Variants in LSAMP observed in about 807,000 individuals in gnomAD.
LSAMP encodes limbic system-associated membrane protein.
In LSAMP, 7 loss-of-function variants were observed where a neutral mutation model predicts 38.6. That is an observed-to-expected ratio of 0.18 (90% CI 0.10 to 0.34). LSAMP has a LOEUF of 0.34. Ranked by LOEUF, LSAMP falls within the 10% of genes least tolerant of loss-of-function variation. LSAMP has a pLI of 1.00. For synonymous variants in LSAMP, 154 were observed against 166.8 expected (o/e 0.92, Z 0.59); for missense variants, 313 against 420.0 (o/e 0.75, Z 2.23).
intron 3 of LSAMP, among the ~76,000 whole-genome samples, chr3:116,013,660 G>A (rs1483266304): frequency 6.6e-6 from 1 of 152,048 alleles, no homozygotes; most frequent in Non-Finnish European, 1.5e-5. Context: ...GTAAGGCACT[G>A]AAAATAAAAT....
chr3:116,355,527 G>C (rs1176601678), intron 1 of LSAMP, among the ~76,000 whole-genome samples: 4 of 152,092 alleles, frequency 2.6e-5, no homozygotes, highest in Non-Finnish European at 5.9e-5. Context: ...ATTGGCTTGG[G>C]CAAAAATTTC....
At chr3:116,174,979 CT>C (rs1710302215) in intron 1 of LSAMP, among the ~76,000 whole-genome samples, 1 of 152,060 alleles carries the variant, frequency 6.6e-6, no homozygotes, top group Admixed American at 6.6e-5. Flanking sequence ...GACTTCTCCA[CT>C]ATCCACCTTC....
chr3:116,095,287 C>T (rs1708202226), intron 1 of LSAMP, among the ~76,000 whole-genome samples: 1 of 152,202 alleles, frequency 6.6e-6, no homozygotes, highest in Admixed American at 6.5e-5. Flanking sequence ...AAAACCCAGA[C>T]AAGCTGCGCA....
At chr3:115,995,164 G>A (rs528616687) in intron 3 of LSAMP, among the ~76,000 whole-genome samples, 1 of 152,190 alleles carries the variant, frequency 6.6e-6, no homozygotes, top group South Asian at 2.1e-4. Flanking sequence ...AACAAGGAAA[G>A]AAGCCTGTCC....
rs533781878 is a variant in LSAMP at position 115,940,458 on chromosome 3, G to A, written c.514+79057C>T. Among the ~76,000 whole-genome samples the A allele has an allele frequency of 1.2e-4, 18 of 149,860 alleles. No homozygotes were observed. The East Asian group carries it at 1.6e-3, about 13-fold the overall frequency. On this transcript the variant is annotated intron_variant, in intron 3 of 6. Coordinates refer to ENST00000490035, the MANE Select transcript of LSAMP (RefSeq NM_002338.5). ...CTAGACACAGAGCGCTGATTGGTGC[G>A]TTTACAATCCTTTAGCTAGACACAA... is the stretch of plus-strand genomic sequence containing the variant.
chr3:116,098,455 C>T lies in LSAMP; in HGVS notation c.156-11899G>A, dbSNP rs371400618. Among the ~76,000 whole-genome samples the T allele has an allele frequency of 3.3e-5, 5 of 152,220 alleles. No individual in the cohort carries two copies. The South Asian group carries it at 6.2e-4, about 19-fold the overall frequency. On this transcript the variant is annotated intron_variant, in intron 1 of 6. Transcript: ENST00000490035. ...CTGTGGTTGCAGTAAGCCAAGATTG[C>T]GCCATTGCAGCCTTGGCAACAAGAG...
intron 3 of LSAMP, among the ~76,000 whole-genome samples, chr3:115,878,817 C>A (rs1274644020): frequency 6.6e-6 from 1 of 151,958 alleles, no homozygotes; most frequent in Non-Finnish European, 1.5e-5. Context: ...AATGGTGGCC[C>A]ATGTCACCAA....
chr3:116,051,393 C>A (rs1941393916), intron 2 of LSAMP: 1 of 152,210 alleles, frequency 6.6e-6, no homozygotes, highest in African/African-American at 2.4e-5. Context: ...AAAGCTGCTT[C>A]TTGCAGCACA....
chr3:116,063,475 T>C (rs537090493), intron 2 of LSAMP, among the ~76,000 whole-genome samples: 1 of 152,252 alleles, frequency 6.6e-6, no homozygotes, highest in Non-Finnish European at 1.5e-5. Flanking sequence ...ATAAACAGAA[T>C]AGCTGTATAT....
At chr3:116,175,501 C>T (rs1049214773) in intron 1 of LSAMP, among the ~76,000 whole-genome samples, 1 of 151,826 alleles carries the variant, frequency 6.6e-6, no homozygotes, top group African/African-American at 2.4e-5. Context: ...CTAGTTGTAT[C>T]CTGCTTTGAT....
At chr3:116,297,766 AAAAAT>A (rs1419298217) in intron 1 of LSAMP, among the ~76,000 whole-genome samples, 1 of 152,246 alleles carries the variant, frequency 6.6e-6, no homozygotes, top group Non-Finnish European at 1.5e-5. Context: ...TGTATGTAAT[AAAAAT>A]AAAATAGGTG....
chr3:116,281,611 A>AGAT (rs2047126988), intron 1 of LSAMP, among the ~76,000 whole-genome samples: 1 of 152,228 alleles, frequency 6.6e-6, no homozygotes, highest in South Asian at 2.1e-4. Flanking sequence ...GTAATATAGA[A>AGAT]GATACACAAA....
At chr3:116,254,721 G>T (rs2046728569) in intron 1 of LSAMP, among the ~76,000 whole-genome samples, 1 of 152,090 alleles carries the variant, frequency 6.6e-6, no homozygotes, top group Non-Finnish European at 1.5e-5. Flanking sequence ...TTAGTGATTT[G>T]ACTTTTCAGT....
chr3:116,352,221 C>G (rs2048150608), intron 1 of LSAMP, among the ~76,000 whole-genome samples: 1 of 152,068 alleles, frequency 6.6e-6, no homozygotes, highest in Non-Finnish European at 1.5e-5. Context: ...ACACATCACT[C>G]CACGAATACC....
chr3:116,376,860 A>G (rs903555891), intron 1 of LSAMP, among the ~76,000 whole-genome samples: 1 of 152,064 alleles, frequency 6.6e-6, no homozygotes, highest in Non-Finnish European at 1.5e-5. Flanking sequence ...CTCCACAGAT[A>G]TTAAATAAAT....
At chr3:115,876,229 C>A (rs1186951223) in intron 3 of LSAMP, among the ~76,000 whole-genome samples, 2 of 144,284 alleles carry the variant, frequency 1.4e-5, no homozygotes, top group Non-Finnish European at 3.0e-5. Flanking sequence ...TCCTCATTCA[C>A]TTTTGCTAAA....
At chr3:116,316,709 T>C (rs1227499381) in intron 1 of LSAMP, among the ~76,000 whole-genome samples, 1 of 143,834 alleles carries the variant, frequency 7.0e-6, no homozygotes, top group Non-Finnish European at 1.5e-5. Flanking sequence ...AGGCAGAGGT[T>C]GCAGTGAGCT....
At chr3:116,039,145 T>A (rs1445449464) in intron 2 of LSAMP, among the ~76,000 whole-genome samples, 1 of 152,216 alleles carries the variant, frequency 6.6e-6, no homozygotes, top group African/African-American at 2.4e-5. Context: ...TGTAAGCTAT[T>A]GTGAAAGCTC....
intron 1 of LSAMP, among the ~76,000 whole-genome samples, chr3:116,442,700 G>T (rs1235045122): frequency 1.3e-5 from 2 of 152,176 alleles, no homozygotes; most frequent in East Asian, 1.9e-4. Flanking sequence ...AAAAGAAATG[G>T]TGTTTCATAG....
Sources: allele counts gnomAD v4.1 joint callset (sites outside exome capture counted in the v4.1 genomes callset), GRCh38; gene constraint gnomAD v4.1.1; transcripts MANE v1.5; gene names NCBI Gene and HGNC (gene_info 2026-07-23, HGNC 2026-07-21).